EPB41L3: variants seen among roughly 807,000 people sequenced by gnomAD.
The protein encoded by EPB41L3 is erythrocyte membrane protein band 4.1 like 3.
In EPB41L3, 57 loss-of-function variants were observed where a neutral mutation model predicts 127.1. That is an observed-to-expected ratio of 0.45 (90% CI 0.36 to 0.56). The LOEUF (loss-of-function observed/expected upper bound fraction) is 0.56, where lower values mean the gene tolerates loss of function less well. Among genes scored for constraint, EPB41L3 ranks in the 20% least tolerant of loss-of-function variants. The pLI is 0.00. For synonymous variants in EPB41L3, 572 were observed against 549.5 expected (o/e 1.04, Z -0.57); for missense variants, 1,273 against 1,372.2 (o/e 0.93, Z 1.14).
intron 12 of EPB41L3, among the ~76,000 whole-genome samples, chr18:5,418,081 C>T (rs1448758511): frequency 6.6e-6 from 1 of 152,182 alleles, no homozygotes; most frequent in African/African-American, 2.4e-5. Flanking sequence ...AAGGTTTAAC[C>T]TTCCATGCTG....
At chr18:5,402,180 CCAA>C (rs1427655717) in intron 16 of EPB41L3, among the ~76,000 whole-genome samples, 2 of 150,280 alleles carry the variant, frequency 1.3e-5, no homozygotes, top group Admixed American at 6.6e-5. Flanking sequence ...AAAAAAAAAC[CCAA>C]CAACAACAAA....
intron 16 of EPB41L3, chr18:5,401,141 T>C (rs925479257): frequency 1.5e-5 from 9 of 609,502 alleles, no homozygotes; most frequent in African/African-American, 1.5e-4. Flanking sequence ...TATCTCTATC[T>C]ATCTATCATC....
chr18:5,564,363 G>A (rs574933814), intron 3 of EPB41L3, among the ~76,000 whole-genome samples: 3 of 152,210 alleles, frequency 2.0e-5, no homozygotes, highest in Non-Finnish European at 2.9e-5. Flanking sequence ...TGTTAGAGAC[G>A]AGGAAATAGG....
chr18:5,476,459 C>A (rs867367136), intron 3 of EPB41L3, among the ~76,000 whole-genome samples: 1 of 152,140 alleles, frequency 6.6e-6, no homozygotes, highest in Non-Finnish European at 1.5e-5. Context: ...GAAGCACAGA[C>A]ATAAATTAAA....
At chr18:5,478,021 T>G (rs192797476) in intron 3 of EPB41L3, among the ~76,000 whole-genome samples, 1 of 152,224 alleles carries the variant, frequency 6.6e-6, no homozygotes, top group African/African-American at 2.4e-5. Flanking sequence ...TTAAAAAATA[T>G]AAGGTCACAG....
chr18:5,509,934 G>A (rs2092428686), intron 1 of EPB41L3, among the ~76,000 whole-genome samples: 1 of 152,070 alleles, frequency 6.6e-6, no homozygotes, highest in Non-Finnish European at 1.5e-5. Flanking sequence ...CCAAACTAGA[G>A]CCAGGTTGGG....
chr18:5,628,439 G>A (rs1156508550), intron 1 of EPB41L3, among the ~76,000 whole-genome samples: 1 of 152,218 alleles, frequency 6.6e-6, no homozygotes, highest in African/African-American at 2.4e-5. Context: ...CCCCAAGGGC[G>A]GGGGCAGCAC....
At chr18:5,456,579 T>C (rs2083108748) in intron 3 of EPB41L3, among the ~76,000 whole-genome samples, 1 of 152,224 alleles carries the variant, frequency 6.6e-6, no homozygotes, top group Admixed American at 6.5e-5. Flanking sequence ...GTCCAGTAGA[T>C]AGGGGAAGAA....
intron 13 of EPB41L3, among the ~76,000 whole-genome samples, chr18:5,415,162 C>A (rs2076645422): frequency 6.6e-6 from 1 of 152,242 alleles, no homozygotes; most frequent in Non-Finnish European, 1.5e-5. Context: ...TGCTGCACTG[C>A]ATGCCGTTGC....
chr18:5,459,340 C>T (rs1271540499), intron 3 of EPB41L3, among the ~76,000 whole-genome samples: 1 of 151,508 alleles, frequency 6.6e-6, no homozygotes. Flanking sequence ...CATTCATTGG[C>T]TTCTAGTAGG....
At chr18:5,426,926 C>G (rs2078264185) in intron 9 of EPB41L3, among the ~76,000 whole-genome samples, 1 of 152,004 alleles carries the variant, frequency 6.6e-6, no homozygotes, top group Admixed American at 6.6e-5. Flanking sequence ...ACATGAAAAG[C>G]TTACAGATTA....
Position 5,601,373 on chromosome 18 carries a change from A to T in EPB41L3, c.-306+10967T>A, listed in dbSNP as rs1334533151. On this transcript the variant is annotated intron_variant, in intron 3 of 21. Transcript: ENST00000545076. ...AAGTTGCCTCCCCCTGTGCTATCCCAGGGCTGGCTTTGCAACCCAACCTGC... is the reference window on the plus strand; with the variant it reads ...AAGTTGCCTCCCCCTGTGCTATCCCTGGGCTGGCTTTGCAACCCAACCTGC... Among the ~76,000 whole-genome samples the T allele has an allele frequency of 2.0e-5, 3 of 152,166 alleles. No individual in the cohort carries two copies. In the East Asian group the frequency reaches 5.8e-4, roughly 29 times the overall value.
At chr18:5,505,648 A>T (rs1227771229) in intron 1 of EPB41L3, among the ~76,000 whole-genome samples, 7 of 73,522 alleles carry the variant, frequency 9.5e-5, no homozygotes, top group East Asian at 3.7e-4. Flanking sequence ...CTCCACCCCT[A>T]CCATCCACAC....
intron 3 of EPB41L3, among the ~76,000 whole-genome samples, chr18:5,601,357 C>A (rs898983803): frequency 6.6e-6 from 1 of 152,168 alleles, no homozygotes; most frequent in East Asian, 1.9e-4. Context: ...TAAGTTGCCT[C>A]CCCCTGTGCT....
At chr18:5,406,222 G>A (rs569486335) in intron 16 of EPB41L3, among the ~76,000 whole-genome samples, 35 of 152,280 alleles carry the variant, frequency 2.3e-4, no homozygotes, top group African/African-American at 8.2e-4. Context: ...CTGCACTCCA[G>A]CCTGGGTGAC....
At chr18:5,607,619 T>C (rs2094675292) in intron 3 of EPB41L3, among the ~76,000 whole-genome samples, 1 of 152,158 alleles carries the variant, frequency 6.6e-6, no homozygotes, top group Admixed American at 6.5e-5. Context: ...TGTCTGGATT[T>C]AGAAAAAAGT....
intron 3 of EPB41L3, among the ~76,000 whole-genome samples, chr18:5,560,940 A>ATTATTTAT (rs138212314): frequency 1.5e-5 from 2 of 129,166 alleles, no homozygotes; most frequent in African/African-American, 5.7e-5. Context: ...CATAGTTGTA[A>ATTATTTAT]TTATTTATTT....
intron 14 of EPB41L3, among the ~76,000 whole-genome samples, chr18:5,409,908 ATG>A (rs1170042829): frequency 6.6e-6 from 1 of 152,114 alleles, no homozygotes; most frequent in African/African-American, 2.4e-5. Context: ...CACACATTTA[ATG>A]TGTTTCTTTA....
intron 1 of EPB41L3, among the ~76,000 whole-genome samples, chr18:5,505,888 C>T (rs1408958452): frequency 6.7e-6 from 1 of 149,232 alleles, no homozygotes; most frequent in Admixed American, 6.7e-5. Flanking sequence ...CACCTCCACC[C>T]CTACCCTCCA....
Sources: gnomAD v4.1 joint callset for allele counts (sites outside exome capture counted in the v4.1 genomes callset) on GRCh38, gnomAD v4.1.1 for gene constraint, MANE v1.5 for transcripts, NCBI Gene and HGNC (gene_info 2026-07-23, HGNC 2026-07-21) for gene names.